The following EML6 variants were observed in gnomAD, a reference collection of about 807,000 sequenced individuals.
EML6 encodes echinoderm microtubule-associated protein-like 6.
A neutral mutation model predicts 240.1 loss-of-function variants in EML6; 154 were observed. That is an observed-to-expected ratio of 0.64 (90% CI 0.56 to 0.73). The LOEUF (loss-of-function observed/expected upper bound fraction) is 0.73. EML6 is among the 30% of genes least tolerant of loss of function. The pLI, the probability that EML6 is intolerant of heterozygous loss-of-function variation, is 0.00. For synonymous variants in EML6, 1,148 were observed against 899.0 expected (o/e 1.28, Z -4.95); for missense variants, 2,964 against 2,474.6 (o/e 1.20, Z -4.20).
intron 39 of EML6, among the ~76,000 whole-genome samples, 163 bp from the exon 40 acceptor site, chr2:54,967,965 G>A (rs542643691): frequency 2.6e-4 from 40 of 152,150 alleles, no homozygotes; most frequent in African/African-American, 5.8e-4. Context: ...CCCTGCGGTC[G>A]GTTCCTAACA....
chr2:54,890,533 CT>C (rs1341358634), intron 17 of EML6, among the ~76,000 whole-genome samples: 1 of 152,134 alleles, frequency 6.6e-6, no homozygotes, highest in Non-Finnish European at 1.5e-5. Flanking sequence ...AGAAGACATC[CT>C]TTCTCTTTCC....
At chr2:54,848,168 T>C (rs577732856) in intron 9 of EML6, among the ~76,000 whole-genome samples, 13 of 152,320 alleles carry the variant, frequency 8.5e-5, no homozygotes, top group Middle Eastern at 3.4e-3. Flanking sequence ...TAATTGATAC[T>C]AAAATGGAAT....
chr2:54,853,580 TA>T, intron 10 of EML6, 62 bp from the exon 11 acceptor site: 1 of 1,053,348 alleles, frequency 9.5e-7, no homozygotes, highest in Non-Finnish European at 1.3e-6. Flanking sequence ...TTCAGATCTT[TA>T]TAAAAAATAA....
rs533278394 is a variant in EML6, at chr2:54,902,992, G to T, written c.3125-52G>T. Reference sequence around the variant, plus strand: ...ATTTCTTCATCTTTTCATGTGGTTTGCTTGACAGTGAAGTTTTGGATAATA... The same window carrying T: ...ATTTCTTCATCTTTTCATGTGGTTTTCTTGACAGTGAAGTTTTGGATAATA... On this transcript the variant is annotated intron_variant, in intron 22 of 41. Transcript: ENST00000356458. The T allele has an allele frequency of 6.0e-6, 9 of 1,506,410 alleles. No homozygotes were observed. In the East Asian group the frequency reaches 1.2e-4, roughly 21 times the overall value. 93.3% of individuals were successfully genotyped at this position (1,506,410 alleles called of 1,614,324 possible).
intron 2 of EML6, among the ~76,000 whole-genome samples, chr2:54,783,180 C>T (rs1035960284): frequency 9.2e-5 from 14 of 152,270 alleles, no homozygotes; most frequent in Admixed American, 8.5e-4. Flanking sequence ...ATTACAATGC[C>T]TGGGAAATGT....
chr2:54,787,599 G>A (rs1669161159), intron 2 of EML6, among the ~76,000 whole-genome samples: 1 of 152,212 alleles, frequency 6.6e-6, no homozygotes, highest in African/African-American at 2.4e-5. Context: ...TCGATAAATA[G>A]TAGCTAATGT....
rs1675822977 is a variant in EML6 at position 54,948,868 on chromosome 2, GCT to G, written c.4005-7_4005-6del. The G allele has an allele frequency of 6.5e-7, 1 of 1,548,198 alleles. No individual in the cohort carries two copies. Among genetic ancestry groups the G allele is most frequent in the Non-Finnish European group, 8.7e-7 (1 of 1,144,156 alleles). On this transcript the variant is annotated splice_polypyrimidine_tract_variant and intron_variant, in intron 28 of 41. Coordinates refer to ENST00000356458, the MANE Select transcript of EML6 (RefSeq NM_001039753.4). ...GTTCAATGCTGTGCTTCCTCTGGCC[GCT>G]CTCTCTTCCAGACCACCCGTTAGCC...
chr2:54,931,080 C>T (rs956691733), intron 28 of EML6, among the ~76,000 whole-genome samples: 1 of 151,730 alleles, frequency 6.6e-6, no homozygotes, highest in Non-Finnish European at 1.5e-5. Flanking sequence ...GCCTCAGCCT[C>T]CCAAGTAGCT....
intron 2 of EML6, among the ~76,000 whole-genome samples, chr2:54,765,262 G>A (rs1485448916): frequency 6.6e-6 from 1 of 152,126 alleles, no homozygotes; most frequent in African/African-American, 2.4e-5. Flanking sequence ...TTTAAGAAGA[G>A]AAATGCTGAT....
At chr2:54,867,015 T>A (rs1671006734) in intron 14 of EML6, 131 bp downstream of exon 14, 1 of 561,646 alleles carries the variant, frequency 1.8e-6, no homozygotes, top group Non-Finnish European at 3.3e-6. Flanking sequence ...TTCTCTGCAA[T>A]GTGCACTTGT....
intron 28 of EML6, among the ~76,000 whole-genome samples, chr2:54,945,231 C>G (rs1418620482): frequency 1.1e-3 from 1 of 900 alleles, no homozygotes; most frequent in African/African-American, 3.8e-3. Flanking sequence ...TCTCCCTCCC[C>G]CTTCTCTCTC....
At chr2:54,967,934 G>A (rs534922668) in intron 39 of EML6, among the ~76,000 whole-genome samples, 194 bp from the exon 40 acceptor site, 4 of 152,222 alleles carry the variant, frequency 2.6e-5, no homozygotes, top group South Asian at 2.1e-4. Context: ...GTAATGCTCC[G>A]CCACCACTGC....
chr2:54,844,293 T>C, intron 8 of EML6, 45 bp downstream of exon 8: 1 of 1,462,100 alleles, frequency 6.8e-7, no homozygotes, highest in Non-Finnish European at 9.4e-7. Flanking sequence ...TTGAGATGGA[T>C]TTATTTGCCC....
chr2:54,773,389 G>T (rs965441838), intron 2 of EML6, among the ~76,000 whole-genome samples: 1 of 152,226 alleles, frequency 6.6e-6, no homozygotes, highest in African/African-American at 2.4e-5. Context: ...TTCTGTCAGT[G>T]TTCCAAGCCA....
chr2:54,945,406 G>A (rs1318017605), intron 28 of EML6, among the ~76,000 whole-genome samples: 1 of 150,672 alleles, frequency 6.6e-6, no homozygotes, highest in Admixed American at 6.6e-5. Context: ...AGGACACTTT[G>A]AACATTGTCT....
At chr2:54,827,459 G>T in intron 5 of EML6, 107 bp from the exon 6 acceptor site, 2 of 916,866 alleles carry the variant, frequency 2.2e-6, no homozygotes, top group Non-Finnish European at 3.3e-6. Flanking sequence ...TTTGTGCCTA[G>T]CTTGGATAGA....
chr2:54,970,248 C>T lies in EML6; in HGVS notation c.*153C>T, dbSNP rs1244779893. The stretch of plus-strand genomic sequence containing the variant: ...TCAAAACGCTGCAGAAGTTACACAA[C>T]TGCTCCCATAATCTGGACTCTCCAA... On this transcript the variant is annotated 3_prime_UTR_variant, in exon 42 of 42. Transcript: ENST00000356458. 2 of 740,322 alleles carry T rather than the reference C, an allele frequency of 2.7e-6. No individual in the cohort carries two copies. Among genetic ancestry groups the T allele is most frequent in the African/African-American group, 3.5e-5 (2 of 57,186 alleles). 45.9% of individuals were successfully genotyped at this position (740,322 alleles called of 1,614,324 possible).
intron 32 of EML6, among the ~76,000 whole-genome samples, chr2:54,956,857 G>A (rs978771338): frequency 2.0e-5 from 3 of 152,080 alleles, no homozygotes; most frequent in African/African-American, 4.8e-5. Flanking sequence ...AAGGGTAACA[G>A]GTTTAAAACA....
intron 11 of EML6, among the ~76,000 whole-genome samples, chr2:54,856,734 C>G (rs549497064): frequency 6.6e-6 from 1 of 152,298 alleles, no homozygotes; most frequent in South Asian, 2.1e-4. Flanking sequence ...CCCCTGGCCA[C>G]TACTAGAAAT....
Sources: gnomAD v4.1 joint callset for allele counts (sites outside exome capture counted in the v4.1 genomes callset) on GRCh38, gnomAD v4.1.1 for gene constraint, MANE v1.5 for transcripts, NCBI Gene and HGNC (gene_info 2026-07-23, HGNC 2026-07-21) for gene names.